The following DCLK2 variants were observed in gnomAD, a reference collection of about 807,000 sequenced individuals.
The protein encoded by DCLK2 is serine/threonine-protein kinase DCLK2.
A neutral mutation model predicts 78.4 loss-of-function variants in DCLK2; 31 were observed. The observed-to-expected ratio is 0.40, with a 90% CI of 0.30 to 0.53. The LOEUF (loss-of-function observed/expected upper bound fraction) is 0.53, where lower values mean the gene tolerates loss of function less well. Among genes scored for constraint, DCLK2 ranks in the 20% least tolerant of loss-of-function variants. DCLK2 has a pLI of 0.61. For missense variants in DCLK2, 872 were observed against 973.7 expected, an observed-to-expected ratio of 0.90 and a Z score of 1.39; for synonymous variants, 407 against 374.9, an observed-to-expected ratio of 1.09 and a Z score of -0.99.
chr4:150,230,653 T>C (rs1560891862), intron 8 of DCLK2, among the ~76,000 whole-genome samples: 1 of 152,226 alleles, frequency 6.6e-6, no homozygotes, highest in East Asian at 1.9e-4. Flanking sequence ...TTGGTGCAGA[T>C]GATCCAAAAG....
rs1454035697 is a variant in DCLK2 at position 150,175,011 on chromosome 4, A to AAAAAAAT, written c.757-18126_757-18125insAAAAATA. ...AGACTCCGTCGCAAAAAAAAAAAAA[A>AAAAAAAT]ATATATATATATATATATATATTTA... On this transcript the variant is annotated intron_variant, in intron 2 of 15. Transcript: ENST00000296550. Among the ~76,000 whole-genome samples, 10 of 9,976 alleles carry AAAAAAAT rather than the reference A, an allele frequency of 1.0e-3. 1 individual carries two copies. The highest frequency in any genetic ancestry group is 2.4e-3 in the African/African-American group (9 of 3,794). 6.5% of individuals were successfully genotyped at this position (9,976 alleles called of 152,430 possible). A position where few individuals can be genotyped will look rare whatever the true frequency, so the allele number is the denominator to read the frequency against.
intron 2 of DCLK2, among the ~76,000 whole-genome samples, chr4:150,147,080 T>C (rs1181836334): frequency 2.0e-5 from 3 of 151,678 alleles, no homozygotes; most frequent in Non-Finnish European, 4.4e-5. Flanking sequence ...GCCCAGGAGT[T>C]CCAGACCAGT....
chr4:150,182,580 G>A (rs527243042), intron 2 of DCLK2, among the ~76,000 whole-genome samples: 20 of 152,204 alleles, frequency 1.3e-4, no homozygotes, highest in African/African-American at 4.6e-4. Flanking sequence ...GCATGTTAAC[G>A]TTGTGGTATG....
chr4:150,223,593 A>G (rs980706819), intron 7 of DCLK2, among the ~76,000 whole-genome samples: 2 of 152,060 alleles, frequency 1.3e-5, no homozygotes, highest in Non-Finnish European at 2.9e-5. Context: ...AAATACAAAA[A>G]TTAGCCCAGT....
intron 2 of DCLK2, among the ~76,000 whole-genome samples, chr4:150,112,273 G>T (rs573631556): frequency 2.6e-5 from 4 of 152,256 alleles, no homozygotes; most frequent in Non-Finnish European, 2.9e-5. Context: ...CTTGGTCATT[G>T]TTGATGTATA....
At chr4:150,222,528 A>G (rs994617620) in intron 7 of DCLK2, among the ~76,000 whole-genome samples, 2 of 152,044 alleles carry the variant, frequency 1.3e-5, no homozygotes, top group Non-Finnish European at 2.9e-5. Flanking sequence ...TTCAGGACAT[A>G]TGAGCTCTGA....
At chr4:150,253,170 T>A (rs1744308901) in intron 15 of DCLK2, 1 of 477,528 alleles carries the variant, frequency 2.1e-6, no homozygotes, top group Non-Finnish European at 4.3e-6. Context: ...CAGTTTTAAG[T>A]GTTTTTACAT....
At chr4:150,226,831 AT>A (rs138623998) in intron 8 of DCLK2, among the ~76,000 whole-genome samples, 33,368 of 152,074 alleles carry the variant, frequency 0.22, 3,848 homozygotes, top group Non-Finnish European at 0.27. Context: ...AAATAAGTTG[AT>A]TTTTCCCATT....
At chr4:150,095,914 G>A (rs1164400525) in intron 1 of DCLK2, among the ~76,000 whole-genome samples, 1 of 152,224 alleles carries the variant, frequency 6.6e-6, no homozygotes, top group African/African-American at 2.4e-5. Context: ...GAAATTGCAA[G>A]CATGCTGATA....
At chr4:150,174,859 G>C (rs1736835354) in intron 2 of DCLK2, among the ~76,000 whole-genome samples, 2 of 148,838 alleles carry the variant, frequency 1.3e-5, no homozygotes, top group Admixed American at 6.8e-5. Context: ...TAGCCAGGTG[G>C]TGGTGATGTG....
At chr4:150,253,131 T>C in intron 15 of DCLK2, 1 of 459,436 alleles carries the variant, frequency 2.2e-6, no homozygotes, top group Non-Finnish European at 4.5e-6. Flanking sequence ...CTCATCCTCC[T>C]CACGTCACTG....
rs142546709 is a variant in DCLK2, at chr4:150,242,295, C to T, written c.1778+1819C>T. Among the ~76,000 whole-genome samples, 541 of 152,268 alleles carry T rather than the reference C, an allele frequency of 3.6e-3. 6 individuals carry two copies. Among genetic ancestry groups the T allele is most frequent in the African/African-American group, 0.012 (508 of 41,544 alleles). ...CTGGAAATCACAAGGATGTAGCATT[C>T]ATGAAAGATGTAGCATTTGAGTGAG... On this transcript the variant is annotated intron_variant, in intron 12 of 15. Coordinates refer to ENST00000296550, the MANE Select transcript of DCLK2 (RefSeq NM_001040260.4).
Position 150,221,625 on chromosome 4 carries a change from CTG to C in DCLK2, c.1133-50_1133-49del, listed in dbSNP as rs369090070. The C allele has an allele frequency of 3.5e-4, 393 of 1,128,552 alleles. 4 individuals are homozygous for C. The African/African-American group carries it at 5.9e-3, about 17-fold the overall frequency. The allele number at this position is 1,128,552 out of a possible 1,614,324, so 69.9% of individuals were successfully genotyped here. A position where few individuals can be genotyped will look rare whatever the true frequency, so the allele number is the denominator to read the frequency against. Reference sequence around the variant, plus strand: ...TACTATTTTACAAATATGTAGGAATCTGTATAAAATGCTGATGTTTTCTTTAG... The same window carrying C: ...TACTATTTTACAAATATGTAGGAATCTATAAAATGCTGATGTTTTCTTTAG... On this transcript the variant is annotated intron_variant, in intron 6 of 15. Coordinates refer to ENST00000296550, the MANE Select transcript of DCLK2 (RefSeq NM_001040260.4).
intron 2 of DCLK2, among the ~76,000 whole-genome samples, chr4:150,104,394 TAAAAAAAAAAAAAAA>T (rs34276664): frequency 3.4e-5 from 1 of 29,762 alleles, no homozygotes; most frequent in Non-Finnish European, 5.5e-5. Flanking sequence ...CCACATCTCC[TAAAAAAAAAAAAAAA>T]AAAAAAAAAA....
chr4:150,109,313 T>G (rs1395400384), intron 2 of DCLK2, among the ~76,000 whole-genome samples: 3 of 151,654 alleles, frequency 2.0e-5, no homozygotes, highest in Non-Finnish European at 4.4e-5. Context: ...ATTCTCACCC[T>G]GTTCCCAATG....
chr4:150,083,696 A>G (rs553488504), intron 1 of DCLK2, among the ~76,000 whole-genome samples: 45 of 152,214 alleles, frequency 3.0e-4, no homozygotes, highest in Non-Finnish European at 5.6e-4. Context: ...GTATTTGCAC[A>G]TAGGAGTCGA....
At chr4:150,190,257 A>G (rs940587661) in intron 2 of DCLK2, among the ~76,000 whole-genome samples, 3 of 106,384 alleles carry the variant, frequency 2.8e-5, no homozygotes, top group African/African-American at 1.0e-4. Flanking sequence ...ATAGATAGAT[A>G]GATAGATAGA....
intron 15 of DCLK2, among the ~76,000 whole-genome samples, chr4:150,251,778 G>A (rs59435073): frequency 0.23 from 23,022 of 100,098 alleles, 2,843 homozygotes; most frequent in East Asian, 0.3. Context: ...CACACCCCAC[G>A]AGCATGCAGC....
chr4:150,209,881 C>G (rs2126480968), intron 5 of DCLK2: 1 of 152,356 alleles, frequency 6.6e-6, no homozygotes, highest in African/African-American at 2.4e-5. Flanking sequence ...CAAGACCAGC[C>G]TGGCCAACAA....
Sources: allele counts gnomAD v4.1 joint callset (sites outside exome capture counted in the v4.1 genomes callset), GRCh38; gene constraint gnomAD v4.1.1; transcripts MANE v1.5; gene names NCBI Gene and HGNC (gene_info 2026-07-23, HGNC 2026-07-21).